The following ACAP2 variants were observed in gnomAD, a reference collection of about 807,000 sequenced individuals.
ACAP2 encodes the protein arf-GAP with coiled-coil, ANK repeat and PH domain-containing protein 2.
A neutral mutation model predicts 115.8 loss-of-function variants in ACAP2; 39 were observed. That is an observed-to-expected ratio of 0.34 (90% confidence interval 0.26 to 0.44). ACAP2 has a LOEUF of 0.44. Among genes scored for constraint, ACAP2 ranks in the 20% least tolerant of loss-of-function variants. The pLI, the probability that ACAP2 is intolerant of heterozygous loss-of-function variation, is 1.00. For missense variants in ACAP2, 662 were observed against 927.6 expected (o/e 0.71, Z 3.72); for synonymous variants, 289 against 315.8 (o/e 0.92, Z 0.90).
chr3:195,397,668 T>C (rs1297234916), intron 1 of ACAP2, among the ~76,000 whole-genome samples: 4 of 152,010 alleles, frequency 2.6e-5, no homozygotes, highest in African/African-American at 9.7e-5. Flanking sequence ...AGCTGTGTAA[T>C]GATGAACAAG....
chr3:195,395,395 C>T (rs1711669199), intron 1 of ACAP2, among the ~76,000 whole-genome samples: 1 of 151,984 alleles, frequency 6.6e-6, no homozygotes, highest in African/African-American at 2.4e-5. Flanking sequence ...AGCACAGTCA[C>T]AAAGGTCAGC....
At chr3:195,292,949 A>G (rs1727367899) in intron 18 of ACAP2, among the ~76,000 whole-genome samples, 2 of 150,222 alleles carry the variant, frequency 1.3e-5, no homozygotes, top group South Asian at 4.2e-4. Context: ...AAAAGTTAAG[A>G]TGATAAATTT....
Position 195,289,106 on chromosome 3 carries a change from AAAGG to A in ACAP2, c.2174+11_2174+14del, listed in dbSNP as rs757174263. The A allele has an allele frequency of 3.8e-6, 6 of 1,588,912 alleles. No homozygotes were observed. In the African/African-American group the frequency reaches 4.1e-5, roughly 11 times the overall value. Reference sequence around the variant, plus strand: ...TCACTGTATGGAAATAGTCAAGTAAAAAGGAAGTACTTACAAGGTGACTATATCA... The same window carrying A: ...TCACTGTATGGAAATAGTCAAGTAAAAAGTACTTACAAGGTGACTATATCA... On this transcript the variant is annotated intron_variant, in intron 21 of 22. Transcript: ENST00000326793.
At chr3:195,420,130 A>C (rs1366811500) in intron 1 of ACAP2, among the ~76,000 whole-genome samples, 1 of 152,036 alleles carries the variant, frequency 6.6e-6, no homozygotes, top group Admixed American at 6.5e-5. Context: ...CTTTCTGTCA[A>C]GTTTTATAGT....
At chr3:195,431,374 C>A (rs1172280181) in intron 1 of ACAP2, among the ~76,000 whole-genome samples, 1 of 152,088 alleles carries the variant, frequency 6.6e-6, no homozygotes, top group Non-Finnish European at 1.5e-5. Flanking sequence ...ATCTTCATTT[C>A]TCTTGGGTAT....
At chr3:195,370,160 CG>C (rs1340071298) in intron 4 of ACAP2, among the ~76,000 whole-genome samples, 1 of 152,120 alleles carries the variant, frequency 6.6e-6, no homozygotes, top group Middle Eastern at 3.2e-3. Context: ...AGAGCATTGT[CG>C]GATGAGTAGT....
chr3:195,343,625 A>G (rs1191927151), intron 5 of ACAP2, among the ~76,000 whole-genome samples: 1 of 152,146 alleles, frequency 6.6e-6, no homozygotes, highest in Non-Finnish European at 1.5e-5. Flanking sequence ...GTCTCACATT[A>G]TTGCCCAGGC....
intron 1 of ACAP2, among the ~76,000 whole-genome samples, chr3:195,424,551 G>A (rs1714513102): frequency 6.6e-6 from 1 of 151,160 alleles, no homozygotes; most frequent in African/African-American, 2.4e-5. Context: ...CGCCTGCTTC[G>A]GCCTCCCAAA....
chr3:195,442,781 G>A lies in ACAP2; in HGVS notation c.53+14C>T, dbSNP rs774603348. ...GGCAGCTCCGCGGTGACGCCGGGCG[G>A]CCGTGCCGGTTACCTGAAGCGGGGC... On this transcript the variant is annotated intron_variant, in intron 1 of 22. Coordinates refer to ENST00000326793, the MANE Select transcript of ACAP2 (RefSeq NM_012287.6). 1.3e-6 allele frequency: 2 copies of A among 1,528,370 alleles called. No individual in the cohort carries two copies. The highest frequency in any genetic ancestry group is 1.8e-6 in the Non-Finnish European group (2 of 1,137,874). The allele number at this position is 1,528,370 out of a possible 1,614,324, so 94.7% of individuals were successfully genotyped here. A position where few individuals can be genotyped will look rare whatever the true frequency, so the allele number is the denominator to read the frequency against.
chr3:195,337,390 T>C (rs1222791211), intron 6 of ACAP2, among the ~76,000 whole-genome samples: 2 of 151,776 alleles, frequency 1.3e-5, no homozygotes, highest in African/African-American at 2.4e-5. Flanking sequence ...ATTAGTCTCT[T>C]CTCTGCTTCC....
intron 1 of ACAP2, among the ~76,000 whole-genome samples, chr3:195,404,056 C>T (rs1454284888): frequency 6.6e-6 from 1 of 152,048 alleles, no homozygotes; most frequent in Non-Finnish European, 1.5e-5. Flanking sequence ...AAGAAGAAAA[C>T]CAGGCCCCGC....
At chr3:195,286,076 C>T (rs780669830) in intron 21 of ACAP2, among the ~76,000 whole-genome samples, 23 of 152,198 alleles carry the variant, frequency 1.5e-4, no homozygotes, top group African/African-American at 2.7e-4. Flanking sequence ...AATCTTCTGA[C>T]GACTGCATTT....
intron 1 of ACAP2, among the ~76,000 whole-genome samples, chr3:195,422,201 C>A (rs1302123938): frequency 6.6e-6 from 1 of 152,026 alleles, no homozygotes; most frequent in Non-Finnish European, 1.5e-5. Flanking sequence ...GCCATTCCTG[C>A]TTCATATACT....
At chr3:195,393,860 T>A (rs1223789252) in intron 1 of ACAP2, among the ~76,000 whole-genome samples, 1 of 127,832 alleles carries the variant, frequency 7.8e-6, no homozygotes, top group Non-Finnish European at 1.6e-5. Context: ...GATATGGAAA[T>A]CTGCACAGGA....
chr3:195,337,156 A>C (rs1160666306), intron 6 of ACAP2, among the ~76,000 whole-genome samples, 180 bp from the exon 7 acceptor site: 1 of 152,246 alleles, frequency 6.6e-6, no homozygotes, highest in Non-Finnish European at 1.5e-5. Flanking sequence ...CAAACATTCC[A>C]GTGAAATTCT....
chr3:195,408,123 TG>T (rs1268310060), intron 1 of ACAP2, among the ~76,000 whole-genome samples: 1 of 152,200 alleles, frequency 6.6e-6, no homozygotes, highest in Non-Finnish European at 1.5e-5. Context: ...AGAGAAAATC[TG>T]AATAGACTTA....
chr3:195,286,531 C>T (rs2410839), intron 21 of ACAP2, among the ~76,000 whole-genome samples: 125,799 of 152,168 alleles, frequency 0.83, 52,239 homozygotes, highest in East Asian at 0.95. Context: ...ACCTCTCGTC[C>T]GTCCTTCTGG....
At chr3:195,436,305 T>G (rs1715539216) in intron 1 of ACAP2, among the ~76,000 whole-genome samples, 1 of 151,452 alleles carries the variant, frequency 6.6e-6, no homozygotes, top group Non-Finnish European at 1.5e-5. Context: ...ACGGTTTTTT[T>G]GTATTGTGGG....
At chr3:195,382,114 T>G in intron 2 of ACAP2, 92 bp from the exon 3 acceptor site, 1 of 1,192,616 alleles carries the variant, frequency 8.4e-7, no homozygotes, top group Non-Finnish European at 1.2e-6. Flanking sequence ...TGAGGTGACC[T>G]AGTTAAGTTC....
Sources: allele counts gnomAD v4.1 joint callset (sites outside exome capture counted in the v4.1 genomes callset), GRCh38; gene constraint gnomAD v4.1.1; transcripts MANE v1.5; gene names NCBI Gene and HGNC (gene_info 2026-07-23, HGNC 2026-07-21).